GLB1: variants seen among roughly 807,000 people sequenced by gnomAD.
The protein encoded by GLB1 is galactosidase beta 1.
A neutral mutation model predicts 74.0 loss-of-function variants in GLB1; 56 were observed. The ratio of observed to expected loss-of-function variants is 0.76; its 90% confidence interval spans 0.61 to 0.94. The LOEUF (loss-of-function observed/expected upper bound fraction) is 0.94. Among genes scored for constraint, GLB1 ranks in the 40% least tolerant of loss-of-function variants. The probability of loss-of-function intolerance (pLI) is 0.00; values close to 1 mark genes in which losing one functional copy is unlikely to be tolerated. For missense variants in GLB1, 787 were observed against 845.5 expected (o/e 0.93, Z 0.86); for synonymous variants, 323 against 323.6 (o/e 1.00, Z 0.02).
At chr3:33,055,945 A>G (rs1699196395) in intron 6 of GLB1, among the ~76,000 whole-genome samples, 1 of 151,908 alleles carries the variant, frequency 6.6e-6, no homozygotes, top group Non-Finnish European at 1.5e-5. Flanking sequence ...ATGTGACTAC[A>G]GACCGGGCGC....
chr3:33,075,678 A>T (rs1009309455), intron 1 of GLB1, among the ~76,000 whole-genome samples: 6 of 152,156 alleles, frequency 3.9e-5, no homozygotes, highest in African/African-American at 1.4e-4. Flanking sequence ...CAGGCATGGC[A>T]GGGTTGAGGG....
At chr3:33,062,895 T>A (rs900208198) in intron 5 of GLB1, among the ~76,000 whole-genome samples, 1 of 152,114 alleles carries the variant, frequency 6.6e-6, no homozygotes, top group Admixed American at 6.5e-5. Context: ...GTTCGGTGGG[T>A]ATGTGATGTG....
chr3:32,987,884 A>C, the GLB1 span, among the ~76,000 whole-genome samples: 1 of 152,124 alleles, frequency 6.6e-6, no homozygotes, highest in African/African-American at 2.4e-5. Context: ...TAACATTTCC[A>C]TAAAGAATGG....
At chr3:32,999,993 C>T (rs890339614) in intron 15 of GLB1, among the ~76,000 whole-genome samples, 4 of 151,662 alleles carry the variant, frequency 2.6e-5, no homozygotes, top group African/African-American at 9.7e-5. Context: ...GATCTCACTC[C>T]AGACACCCAG....
intron 6 of GLB1, among the ~76,000 whole-genome samples, chr3:33,054,093 G>A (rs1325003133): frequency 6.6e-6 from 1 of 151,902 alleles, no homozygotes; most frequent in African/African-American, 2.4e-5. Context: ...ACCATGTGAG[G>A]GCACAGCAAG....
intron 15 of GLB1, 95 bp from the exon 16 acceptor site, chr3:32,997,439 G>C: frequency 6.4e-7 from 1 of 1,566,800 alleles, no homozygotes. Flanking sequence ...AGCAGCAATG[G>C]AGGAAAGAAA....
intron 1 of GLB1, among the ~76,000 whole-genome samples, chr3:33,086,034 C>A (rs1277021616): frequency 6.6e-6 from 1 of 151,928 alleles, no homozygotes; most frequent in Non-Finnish European, 1.5e-5. Context: ...GTTACAGTCA[C>A]ACCACTGCAC....
rs941431666 is a variant in GLB1, at chr3:33,092,189, G to A, written c.75+4822C>T. ...TGACCTTGCCCCCAAAGGCCCAGGA[G>A]CACAGACAGTTAAATAGCATCCCTC... On this transcript the variant is annotated intron_variant, in intron 1 of 15. Transcript: ENST00000307363. 88 of 985,728 alleles carry A rather than the reference G, an allele frequency of 8.9e-5. 1 individual carries two copies. The highest frequency in any genetic ancestry group is 9.4e-5 in the South Asian group (2 of 21,298). 61.1% of individuals were successfully genotyped at this position (985,728 alleles called of 1,614,324 possible). A position where few individuals can be genotyped will look rare whatever the true frequency, so the allele number is the denominator to read the frequency against.
rs542435541 is a variant in GLB1, at chr3:33,082,258, C to CA, written c.76-9546dup. Among the ~76,000 whole-genome samples, 16 of 152,312 alleles carry CA rather than the reference C, an allele frequency of 1.1e-4. No homozygotes were observed. In the East Asian group the frequency reaches 3.1e-3, roughly 29 times the overall value. ...CCTTTTCACAGAGAGTCCAACAAAT[C>CA]AGAGGATCCATCACACGGTTATTTC... is the stretch of plus-strand genomic sequence containing the variant. On this transcript the variant is annotated intron_variant, in intron 1 of 15. Coordinates refer to ENST00000307363, the MANE Select transcript of GLB1 (RefSeq NM_000404.4).
At chr3:32,963,834 C>T in the GLB1 span, among the ~76,000 whole-genome samples, 1 of 152,148 alleles carries the variant, frequency 6.6e-6, no homozygotes, top group Non-Finnish European at 1.5e-5. Context: ...ACATGCATTA[C>T]TTTCATAATC....
chr3:33,089,430 T>C (rs1199943211), intron 1 of GLB1, among the ~76,000 whole-genome samples: 1 of 152,046 alleles, frequency 6.6e-6, no homozygotes, highest in Non-Finnish European at 1.5e-5. Context: ...AACAATAAAT[T>C]AAATAACCTG....
At chr3:33,049,293 A>C (rs768141193) in intron 9 of GLB1, among the ~76,000 whole-genome samples, 1 of 152,148 alleles carries the variant, frequency 6.6e-6, no homozygotes. Context: ...GCACACTATT[A>C]TCTTTTCCTT....
chr3:32,962,126 G>A, the GLB1 span, among the ~76,000 whole-genome samples: 1 of 151,912 alleles, frequency 6.6e-6, no homozygotes, highest in Non-Finnish European at 1.5e-5. Context: ...CCCAGGAGGC[G>A]GAGGTTGCAA....
chr3:32,961,784 G>T, the GLB1 span, among the ~76,000 whole-genome samples: 1 of 152,142 alleles, frequency 6.6e-6, no homozygotes, highest in African/African-American at 2.4e-5. Flanking sequence ...AGCTGAAAAG[G>T]CATCATGGGC....
the GLB1 span, among the ~76,000 whole-genome samples, chr3:32,989,936 A>G: frequency 3.3e-5 from 5 of 152,196 alleles, no homozygotes; most frequent in African/African-American, 1.2e-4. Context: ...ACACATTAAA[A>G]CCACTTTATG....
intron 2 of GLB1, among the ~76,000 whole-genome samples, chr3:33,070,395 C>T (rs1311716322): frequency 6.6e-6 from 1 of 152,020 alleles, no homozygotes; most frequent in African/African-American, 2.4e-5. Context: ...AACCACAGGA[C>T]ACATAGACCT....
At chr3:33,086,896 A>G (rs937319133) in intron 1 of GLB1, among the ~76,000 whole-genome samples, 1 of 152,090 alleles carries the variant, frequency 6.6e-6, no homozygotes, top group African/African-American at 2.4e-5. Flanking sequence ...AGACAATTCC[A>G]TAAGAAGAAA....
Position 32,996,850 on chromosome 3 carries a change from A to G in GLB1, c.*195T>C. On this transcript the variant is annotated 3_prime_UTR_variant, in exon 16 of 16. Coordinates refer to ENST00000307363, the MANE Select transcript of GLB1 (RefSeq NM_000404.4). ...TATGTATGCACGTTACTGTGCTGTC[A>G]GCCCCTCACACATTCCAGGTGGTCC... is the stretch of plus-strand genomic sequence containing the variant. 3.3e-6 allele frequency: 3 copies of G among 908,330 alleles called. No individual in the cohort carries two copies. Among genetic ancestry groups the G allele is most frequent in the Non-Finnish European group, 5.0e-6 (3 of 604,134 alleles). The allele number at this position is 908,330 out of a possible 1,614,324, so 56.3% of individuals were successfully genotyped here. A position where few individuals can be genotyped will look rare whatever the true frequency, so the allele number is the denominator to read the frequency against.
chr3:32,979,863 A>AG, the GLB1 span, among the ~76,000 whole-genome samples: 5 of 148,756 alleles, frequency 3.4e-5, no homozygotes, highest in Non-Finnish European at 7.4e-5. Context: ...AAAAAAAAAA[A>AG]AAAAAAAAAA....
Sources: gnomAD v4.1 joint callset for allele counts (sites outside exome capture counted in the v4.1 genomes callset) on GRCh38, gnomAD v4.1.1 for gene constraint, MANE v1.5 for transcripts, NCBI Gene and HGNC (gene_info 2026-07-23, HGNC 2026-07-21) for gene names.